Variants in AGBL1 observed in about 807,000 individuals in gnomAD.
AGBL1 encodes the protein cytosolic carboxypeptidase 4.
In AGBL1, 130 loss-of-function variants were observed where a neutral mutation model predicts 118.9. The ratio of observed to expected loss-of-function variants is 1.09; its 90% CI spans 0.95 to 1.26. The LOEUF is 1.26. Among genes scored for constraint, AGBL1 ranks in the 50% most tolerant of loss-of-function variants. The pLI, the probability that AGBL1 is intolerant of heterozygous loss-of-function variation, is 0.00. For missense variants in AGBL1, 1,584 were observed against 1,298.1 expected, an observed-to-expected ratio of 1.22 and a Z score of -3.38; for synonymous variants, 555 against 478.9, an observed-to-expected ratio of 1.16 and a Z score of -2.08.
intron 23 of AGBL1, among the ~76,000 whole-genome samples, chr15:86,937,033 C>T (rs1305361609): frequency 1.3e-5 from 2 of 152,076 alleles, no homozygotes; most frequent in Non-Finnish European, 2.9e-5. Context: ...ATACATGCAG[C>T]CAACAAGCAT....
At position 86,778,600 on chromosome 15, in the gene AGBL1, C is replaced by G. The variant is rs182148772; in HGVS notation, c.3158+104164C>G. ...CTTTTGAAAGAAGAGAAATATGGCTCTGTTCCACCTGGCTCACTGGCAGTC... is the reference window on the plus strand; with the variant it reads ...CTTTTGAAAGAAGAGAAATATGGCTGTGTTCCACCTGGCTCACTGGCAGTC... On this transcript the variant is annotated intron_variant, in intron 22 of 22. Coordinates refer to ENST00000614907, the MANE Select transcript of AGBL1 (RefSeq NM_001386094.1). Among the ~76,000 whole-genome samples, 257 of 152,340 alleles carry G rather than the reference C, an allele frequency of 1.7e-3. 3 individuals are homozygous for G. Among genetic ancestry groups the G allele is most frequent in the African/African-American group, 5.9e-3 (246 of 41,572 alleles).
At chr15:86,511,811 G>C (rs955132458) in intron 18 of AGBL1, among the ~76,000 whole-genome samples, 1 of 151,908 alleles carries the variant, frequency 6.6e-6, no homozygotes, top group Non-Finnish European at 1.5e-5. Context: ...AAAACAAAAG[G>C]ATGAAGTAGG....
chr15:86,479,235 A>T (rs1429003744), intron 18 of AGBL1, among the ~76,000 whole-genome samples: 2 of 152,212 alleles, frequency 1.3e-5, no homozygotes, highest in Non-Finnish European at 2.9e-5. Flanking sequence ...GACAAATGAG[A>T]TCTAATTAAA....
At chr15:86,671,796 C>T (rs1242935741) in intron 21 of AGBL1, among the ~76,000 whole-genome samples, 1 of 152,172 alleles carries the variant, frequency 6.6e-6, no homozygotes, top group African/African-American at 2.4e-5. Context: ...TCCATCCATG[C>T]CTCTCCACGT....
Position 86,838,907 on chromosome 15 carries a change from T to G in AGBL1, c.3159-68180T>G, listed in dbSNP as rs544630560. On this transcript the variant is annotated intron_variant, in intron 22 of 22. Transcript: ENST00000614907. The stretch of plus-strand genomic sequence containing the variant: ...TTCAATGAGCTAGAGCTATGGCCAC[T>G]GCACTCCACCCCGGGCAACAGAATG... Among the ~76,000 whole-genome samples the G allele has an allele frequency of 7.2e-4, 85 of 118,868 alleles. 1 individual carries two copies. The highest frequency in any genetic ancestry group is 2.7e-3 in the African/African-American group (81 of 30,480). 78.0% of individuals were successfully genotyped at this position (118,868 alleles called of 152,430 possible).
chr15:86,359,943 G>A (rs1377394663), intron 17 of AGBL1, among the ~76,000 whole-genome samples: 1 of 151,820 alleles, frequency 6.6e-6, no homozygotes, highest in Non-Finnish European at 1.5e-5. Flanking sequence ...GTTTTTTGCT[G>A]AATGTTTAGG....
intron 21 of AGBL1, among the ~76,000 whole-genome samples, chr15:86,664,567 C>A (rs1014911892): frequency 2.6e-5 from 4 of 152,102 alleles, no homozygotes; most frequent in Non-Finnish European, 4.4e-5. Flanking sequence ...AAATGGATGT[C>A]TCATTGCTAT....
chr15:86,626,984 C>G (rs955769779), intron 21 of AGBL1, among the ~76,000 whole-genome samples: 4 of 150,852 alleles, frequency 2.7e-5, no homozygotes, highest in Non-Finnish European at 4.4e-5. Flanking sequence ...ACTACAGGTG[C>G]CTGCCACAAC....
intron 6 of AGBL1, among the ~76,000 whole-genome samples, chr15:86,242,562 GC>G (rs2078656634): frequency 6.6e-6 from 1 of 152,192 alleles, no homozygotes; most frequent in South Asian, 2.1e-4. Context: ...TGAAGGGTCT[GC>G]CCACAGATTA....
chr15:86,158,946 C>G lies in AGBL1; in HGVS notation c.408C>G (p.Ala136=). The G allele has an allele frequency of 6.2e-7, 1 of 1,613,280 alleles. No individual in the cohort carries two copies. The highest frequency in any genetic ancestry group is 8.5e-7 in the Non-Finnish European group (1 of 1,179,392). ...RVFASSVSMG[A]MLGINGAMEL... ...TGTTTTTCTTAGTCTCCATGGGAGC[C>G]ATGCTGGGAATTAATGGAGCCATGG... The change falls in exon 5 of 23, where the codon GCC becomes GCG. Residue 136 remains alanine, a synonymous_variant. Coordinates refer to ENST00000614907, the MANE Select transcript of AGBL1 (RefSeq NM_001386094.1).
At chr15:86,115,820 T>A (rs1897718431) in intron 1 of AGBL1, among the ~76,000 whole-genome samples, 1 of 152,200 alleles carries the variant, frequency 6.6e-6, no homozygotes, top group Non-Finnish European at 1.5e-5. Context: ...GTCCTGACTT[T>A]TCCATGAAAC....
At chr15:86,441,385 G>A (rs1295414526) in intron 18 of AGBL1, among the ~76,000 whole-genome samples, 2 of 152,144 alleles carry the variant, frequency 1.3e-5, no homozygotes, top group Non-Finnish European at 2.9e-5. Flanking sequence ...TTCTTCAGCG[G>A]CTCTCTCCAA....
intron 22 of AGBL1, among the ~76,000 whole-genome samples, chr15:86,786,904 G>C (rs1463794863): frequency 6.6e-6 from 1 of 152,016 alleles, no homozygotes; most frequent in Non-Finnish European, 1.5e-5. Flanking sequence ...GGAGAGTGTC[G>C]AGCCAAAAGG....
chr15:86,282,502 G>C (rs1020120275), intron 16 of AGBL1, among the ~76,000 whole-genome samples: 1 of 152,094 alleles, frequency 6.6e-6, no homozygotes, highest in African/African-American at 2.4e-5. Flanking sequence ...ACAAAACAGG[G>C]TTAGAAAGAC....
intron 6 of AGBL1, among the ~76,000 whole-genome samples, chr15:86,225,747 T>A (rs2078351394): frequency 6.6e-6 from 1 of 152,162 alleles, no homozygotes; most frequent in South Asian, 2.1e-4. Flanking sequence ...TCAATTGTGA[T>A]ATTTGTTTCT....
chr15:86,979,423 T>C (rs1272200979), intron 23 of AGBL1, among the ~76,000 whole-genome samples: 3 of 152,336 alleles, frequency 2.0e-5, no homozygotes, highest in Admixed American at 6.5e-5. Flanking sequence ...AGTAGATTAT[T>C]TGAAAACACA....
chr15:86,473,412 A>C (rs2082508351), intron 18 of AGBL1, among the ~76,000 whole-genome samples: 2 of 152,234 alleles, frequency 1.3e-5, no homozygotes, highest in Admixed American at 1.3e-4. Flanking sequence ...AGTAAATACA[A>C]ATTAAAGTAA....
chr15:86,080,645 C>T (rs74937878), intron 1 of AGBL1, among the ~76,000 whole-genome samples: 1,810 of 152,284 alleles, frequency 0.012, 11 homozygotes, highest in Non-Finnish European at 0.016. Context: ...CAGTGGTTTG[C>T]AAACTTGTCT....
chr15:86,258,839 T>G (rs2078938383), intron 9 of AGBL1, among the ~76,000 whole-genome samples: 1 of 152,126 alleles, frequency 6.6e-6, no homozygotes, highest in South Asian at 2.1e-4. Flanking sequence ...CCCAAGTAAC[T>G]GGGACTGCAG....
Sources: allele counts gnomAD v4.1 joint callset (sites outside exome capture counted in the v4.1 genomes callset), GRCh38; gene constraint gnomAD v4.1.1; transcripts MANE v1.5; gene names NCBI Gene and HGNC (gene_info 2026-07-23, HGNC 2026-07-21).